HINT3: variants seen among roughly 807,000 people sequenced by gnomAD.
HINT3 encodes histidine triad nucleotide binding protein 3, also known as adenosine 5'-monophosphoramidase HINT3.
In HINT3, 16 loss-of-function variants were observed where a neutral mutation model predicts 19.1. The observed-to-expected ratio is 0.84, with a 90% confidence interval of 0.57 to 1.27. The LOEUF is 1.27. Among genes scored for constraint, HINT3 ranks in the 50% most tolerant of loss-of-function variants. The pLI is 0.00. For missense variants in HINT3, 197 were observed against 225.8 expected (o/e 0.87, Z 0.82); for synonymous variants, 75 against 84.8 (o/e 0.88, Z 0.63).
intron 2 of HINT3, among the ~76,000 whole-genome samples, chr6:125,970,417 T>G (rs1416432804): frequency 6.6e-6 from 1 of 152,184 alleles, no homozygotes; most frequent in African/African-American, 2.4e-5. Flanking sequence ...TTTTAGGAAT[T>G]TTTCAATTTA....
intron 2 of HINT3, among the ~76,000 whole-genome samples, chr6:125,970,581 A>C (rs1430506791): frequency 6.6e-6 from 1 of 152,156 alleles, no homozygotes; most frequent in East Asian, 1.9e-4. Flanking sequence ...TTCCATACTA[A>C]AAGTTGTTGC....
In HINT3 at chr6:125,966,212, C is replaced by T. The variant is rs144591830; in HGVS notation, c.202-675C>T. ...ATTCAAATGTTAATAGGTTGAAACA[C>T]GCTCTTCCTTTCCTTTTCTTTTTTC... is the stretch of plus-strand genomic sequence containing the variant. On this transcript the variant is annotated intron_variant, in intron 1 of 4. Transcript: ENST00000229633. Among the ~76,000 whole-genome samples, 476 of 152,240 alleles carry T rather than the reference C, an allele frequency of 3.1e-3. 1 individual carries two copies. Among genetic ancestry groups the T allele is most frequent in the African/African-American group, 0.011 (443 of 41,540 alleles).
Position 125,966,993 on chromosome 6 carries a change from A to G in HINT3, c.308A>G (p.Gln103Arg). The G allele has an allele frequency of 6.3e-7, 1 of 1,589,334 alleles. No homozygotes were observed. Among genetic ancestry groups the G allele is most frequent in the Non-Finnish European group, 8.6e-7 (1 of 1,158,694 alleles). Residue 103 changes from glutamine to arginine, a missense_variant, in exon 2 of 5, where the codon CAA becomes CGA. Physicochemically the swap from Gln to Arg is conservative, Grantham distance 43. Coordinates refer to ENST00000229633, the MANE Select transcript of HINT3 (RefSeq NM_138571.5). ...IGNCRTLRKDQVELVENMVTV... is the reference protein window; with the variant it reads ...IGNCRTLRKDRVELVENMVTV... The stretch of plus-strand genomic sequence containing the variant: ...AACTGCAGAACTCTAAGGAAAGATC[A>G]AGTAGAACTGGGTAAGATGATGGCA...
Position 125,961,663 on chromosome 6 carries a change from A to C in HINT3, c.201+4485A>C, listed in dbSNP as rs573925601. On this transcript the variant is annotated intron_variant, in intron 1 of 4. Coordinates refer to ENST00000229633, the MANE Select transcript of HINT3 (RefSeq NM_138571.5). The stretch of plus-strand genomic sequence containing the variant: ...CCAAAGTATGGGGAAAAGGGGGCAG[A>C]GCTTCCATGTCCTCCTCAGGCGTGT... Among the ~76,000 whole-genome samples the C allele has an allele frequency of 3.5e-3, 530 of 152,286 alleles. 3 individuals are homozygous for C. Among genetic ancestry groups the C allele is most frequent in the African/African-American group, 0.012 (504 of 41,548 alleles).
rs2128712484 is a variant in HINT3, at chr6:125,978,799, C to CA, written c.*1126dup. The CA allele has an allele frequency of 6.6e-6, 1 of 151,132 alleles. No homozygotes were observed. The highest frequency in any genetic ancestry group is 2.1e-4 in the South Asian group (1 of 4,736). The allele number at this position is 151,132 out of a possible 1,614,324, so 9.4% of individuals were successfully genotyped here. ...TGATATTAAAGATAGTTTTAAGTAA[C>CA]AAATTACTTATTACAAAGTTACAAC... On this transcript the variant is annotated 3_prime_UTR_variant, in exon 5 of 5. Coordinates refer to ENST00000229633, the MANE Select transcript of HINT3 (RefSeq NM_138571.5).
chr6:125,959,361 A>G (rs910892463), intron 1 of HINT3, among the ~76,000 whole-genome samples: 1 of 152,184 alleles, frequency 6.6e-6, no homozygotes, highest in Non-Finnish European at 1.5e-5. Flanking sequence ...AGAGAAATAG[A>G]AGGAACGCTG....
Position 125,977,763 on chromosome 6 carries a change from A to G in HINT3, c.*87A>G. The G allele has an allele frequency of 1.4e-6, 1 of 739,018 alleles. No individual in the cohort carries two copies. Among genetic ancestry groups the G allele is most frequent in the Non-Finnish European group, 2.2e-6 (1 of 458,418 alleles). 45.8% of individuals were successfully genotyped at this position (739,018 alleles called of 1,614,324 possible). On this transcript the variant is annotated 3_prime_UTR_variant, in exon 5 of 5. Transcript: ENST00000229633. ...TTTTAAGTCTAATTGCAATTTTAAG[A>G]TTTGTTGGGTTTTATGAGAGGCTGT... is the stretch of plus-strand genomic sequence containing the variant.
chr6:125,961,415 G>T (rs535929034), intron 1 of HINT3, among the ~76,000 whole-genome samples: 4 of 152,084 alleles, frequency 2.6e-5, no homozygotes, highest in African/African-American at 9.7e-5. Context: ...ATCAGATCCC[G>T]CAGGTTGAAG....
intron 1 of HINT3, among the ~76,000 whole-genome samples, chr6:125,960,481 AC>A (rs1788903620): frequency 6.6e-6 from 1 of 151,950 alleles, no homozygotes; most frequent in Non-Finnish European, 1.5e-5. Flanking sequence ...ATATGGTGAA[AC>A]CCCATCTCTC....
intron 1 of HINT3, among the ~76,000 whole-genome samples, chr6:125,959,580 G>A (rs1788889103): frequency 6.6e-6 from 1 of 152,210 alleles, no homozygotes; most frequent in Non-Finnish European, 1.5e-5. Flanking sequence ...AAGGCAGATA[G>A]CAGTTGATTG....
intron 1 of HINT3, among the ~76,000 whole-genome samples, chr6:125,958,213 C>T (rs74834724): frequency 0.01 from 1,534 of 152,064 alleles, 7 homozygotes; most frequent in Non-Finnish European, 0.017. Context: ...AGAGACCCCC[C>T]GAGAGGTTCA....
rs2128712430 is a variant in HINT3 at position 125,978,343 on chromosome 6, C to T, written c.*667C>T. ...CTATCAAATTGGCTATCAGAATTCA[C>T]TGTAATGGAATTTTGCCTCTAATAA... On this transcript the variant is annotated 3_prime_UTR_variant, in exon 5 of 5. Transcript: ENST00000229633. 1 of 152,120 alleles carries T rather than the reference C, an allele frequency of 6.6e-6. No individual in the cohort carries two copies. The highest frequency in any genetic ancestry group is 2.1e-4 in the South Asian group (1 of 4,824). The allele number at this position is 152,120 out of a possible 1,614,324, so 9.4% of individuals were successfully genotyped here.
rs1562216402 is a variant in HINT3 at position 125,978,483 on chromosome 6, T to C, written c.*807T>C. 6.6e-6 allele frequency: 1 copy of C among 152,112 alleles called. No homozygotes were observed. Among genetic ancestry groups the C allele is most frequent in the African/African-American group, 2.4e-5 (1 of 41,444 alleles). The allele number at this position is 152,112 out of a possible 1,614,324, so 9.4% of individuals were successfully genotyped here. ...CAGAGGTTAAACTTTGCTTTTATCA[T>C]GAAAAGGGCCTGATTTGAAGGTAGA... On this transcript the variant is annotated 3_prime_UTR_variant, in exon 5 of 5. Transcript: ENST00000229633.
intron 1 of HINT3, among the ~76,000 whole-genome samples, chr6:125,963,934 T>C (rs895732682): frequency 1.3e-5 from 2 of 152,206 alleles, no homozygotes; most frequent in Non-Finnish European, 2.9e-5. Context: ...AAAACCCAAA[T>C]GACACACCAT....
intron 1 of HINT3, among the ~76,000 whole-genome samples, chr6:125,958,837 A>AAC (rs1014635638): frequency 6.6e-6 from 1 of 152,132 alleles, no homozygotes. Context: ...CCACCCCATC[A>AAC]ACACACACAC....
chr6:125,965,599 AAT>A (rs138039908), intron 1 of HINT3, among the ~76,000 whole-genome samples: 1 of 151,364 alleles, frequency 6.6e-6, no homozygotes, highest in Admixed American at 6.6e-5. Flanking sequence ...CATCTCTACA[AAT>A]ATATATATAT....
intron 1 of HINT3, among the ~76,000 whole-genome samples, chr6:125,959,065 G>A (rs976343970): frequency 1.3e-5 from 2 of 152,162 alleles, no homozygotes; most frequent in East Asian, 1.9e-4. Context: ...GTAGCAAAGC[G>A]ATGAGTTGAG....
At position 125,956,931 on chromosome 6, in the gene HINT3, G is replaced by A. The variant is rs1016838604; in HGVS notation, c.-47G>A. The A allele has an allele frequency of 1.8e-5, 28 of 1,526,770 alleles. No homozygotes were observed. Among genetic ancestry groups the A allele is most frequent in the Non-Finnish European group, 2.4e-5 (27 of 1,131,348 alleles). 94.6% of individuals were successfully genotyped at this position (1,526,770 alleles called of 1,614,324 possible). ...CGGGACGCGGAGACTGCGCGGGCCC[G>A]GTAGCCCTGGAGAGGCCGAGGCTCT... On this transcript the variant is annotated 5_prime_UTR_variant, in exon 1 of 5. Transcript: ENST00000229633.
chr6:125,960,653 T>TTTGGG (rs1788906620), intron 1 of HINT3, among the ~76,000 whole-genome samples: 1 of 66,202 alleles, frequency 1.5e-5, no homozygotes. Flanking sequence ...CAAGACTCTC[T>TTTGGG]CTGGGGGGGG....
Sources: gnomAD v4.1 joint callset for allele counts (sites outside exome capture counted in the v4.1 genomes callset) on GRCh38, gnomAD v4.1.1 for gene constraint, MANE v1.5 for transcripts, NCBI Gene and HGNC (gene_info 2026-07-23, HGNC 2026-07-21) for gene names.